Variants in CTNND2 observed in about 807,000 individuals in gnomAD.
The protein encoded by CTNND2 is catenin delta-2.
In CTNND2, 22 loss-of-function variants were observed where a neutral mutation model predicts 144.4. The ratio of observed to expected loss-of-function variants is 0.15; its 90% CI spans 0.11 to 0.22. The LOEUF (loss-of-function observed/expected upper bound fraction) is 0.22. Ranked by LOEUF, CTNND2 falls within the 10% of genes least tolerant of loss-of-function variation. The pLI, the probability that CTNND2 is intolerant of heterozygous loss-of-function variation, is 1.00. For synonymous variants in CTNND2, 751 were observed against 695.6 expected (o/e 1.08, Z -1.25); for missense variants, 1,353 against 1,618.8 (o/e 0.84, Z 2.82).
At chr5:11,534,666 G>A (rs1774054713) in intron 3 of CTNND2, among the ~76,000 whole-genome samples, 2 of 152,088 alleles carry the variant, frequency 1.3e-5, no homozygotes, top group Non-Finnish European at 2.9e-5. Context: ...GAGACCTGGT[G>A]ACATCTATTT....
At chr5:11,847,011 A>G (rs1794767522) in intron 1 of CTNND2, among the ~76,000 whole-genome samples, 1 of 151,608 alleles carries the variant, frequency 6.6e-6, no homozygotes, top group East Asian at 1.9e-4. Context: ...TAGTTCAGCT[A>G]TTACAGAAAA....
intron 11 of CTNND2, among the ~76,000 whole-genome samples, chr5:11,187,658 G>A (rs934044486): frequency 6.6e-6 from 1 of 152,132 alleles, no homozygotes; most frequent in African/African-American, 2.4e-5. Flanking sequence ...TATCATCAGA[G>A]TGAACAGGCA....
chr5:11,030,294 G>A (rs1449749213), intron 16 of CTNND2, among the ~76,000 whole-genome samples: 1 of 151,900 alleles, frequency 6.6e-6, no homozygotes, highest in Non-Finnish European at 1.5e-5. Flanking sequence ...GTTAAATTTG[G>A]TAAGTTTTCA....
At chr5:11,704,230 G>A (rs1404071213) in intron 2 of CTNND2, among the ~76,000 whole-genome samples, 3 of 152,218 alleles carry the variant, frequency 2.0e-5, no homozygotes, top group Non-Finnish European at 4.4e-5. Context: ...CTGCAAAGGT[G>A]TGAAGACAGC....
intron 2 of CTNND2, among the ~76,000 whole-genome samples, chr5:11,617,450 C>T (rs1485102714): frequency 3.3e-5 from 5 of 152,200 alleles, no homozygotes; most frequent in African/African-American, 9.7e-5. Flanking sequence ...TATTTTAGCT[C>T]ATCCATCATT....
chr5:11,235,097 T>C (rs1741480824), intron 10 of CTNND2, among the ~76,000 whole-genome samples: 1 of 152,150 alleles, frequency 6.6e-6, no homozygotes, highest in Non-Finnish European at 1.5e-5. Flanking sequence ...AACCTTGGCA[T>C]CAGAACAACC....
At chr5:11,349,681 C>T (rs1457840686) in intron 8 of CTNND2, among the ~76,000 whole-genome samples, 1 of 152,058 alleles carries the variant, frequency 6.6e-6, no homozygotes, top group Non-Finnish European at 1.5e-5. Context: ...AATTAACAAC[C>T]TGAATATTAT....
intron 12 of CTNND2, among the ~76,000 whole-genome samples, chr5:11,148,900 T>G (rs917235830): frequency 6.6e-6 from 1 of 152,220 alleles, no homozygotes; most frequent in African/African-American, 2.4e-5. Context: ...ATGCTCTGCT[T>G]CATCTGACTC....
At chr5:11,677,548 A>G (rs1399729700) in intron 2 of CTNND2, among the ~76,000 whole-genome samples, 1 of 152,244 alleles carries the variant, frequency 6.6e-6, no homozygotes, top group East Asian at 1.9e-4. Context: ...ATGAATTAAT[A>G]TAAAGACTAA....
At chr5:11,881,391 T>C (rs1240757912) in intron 1 of CTNND2, among the ~76,000 whole-genome samples, 4 of 152,046 alleles carry the variant, frequency 2.6e-5, no homozygotes, top group Non-Finnish European at 4.4e-5. Flanking sequence ...CATAGCTAAA[T>C]GTAATGTTGT....
intron 2 of CTNND2, among the ~76,000 whole-genome samples, chr5:11,579,170 T>C (rs1215528752): frequency 2.6e-5 from 4 of 152,046 alleles, no homozygotes; most frequent in Non-Finnish European, 5.9e-5. Flanking sequence ...TTTTTAACTT[T>C]TTAAAATTCC....
intron 12 of CTNND2, among the ~76,000 whole-genome samples, chr5:11,141,207 G>A (rs1219090984): frequency 6.6e-6 from 1 of 152,130 alleles, no homozygotes; most frequent in Non-Finnish European, 1.5e-5. Flanking sequence ...TTTTGTCTTG[G>A]CCTCCCAAAG....
chr5:11,712,852 C>T lies in CTNND2; in HGVS notation c.174+19284G>A, dbSNP rs943230462. Among the ~76,000 whole-genome samples, 8 of 151,974 alleles carry T rather than the reference C, an allele frequency of 5.3e-5. No homozygotes were observed. The East Asian group carries it at 7.7e-4, about 15-fold the overall frequency. On this transcript the variant is annotated intron_variant, in intron 2 of 21. Coordinates refer to ENST00000304623, the MANE Select transcript of CTNND2 (RefSeq NM_001332.4). ...ACTAGTTGGAGAAGATAAGTTTTTA[C>T]GAGATTATTTTTTGATTAAGTATAT...
intron 9 of CTNND2, among the ~76,000 whole-genome samples, chr5:11,300,287 A>G (rs754827582): frequency 3.3e-5 from 5 of 152,146 alleles, no homozygotes; most frequent in Non-Finnish European, 5.9e-5. Context: ...TCCTCCACTG[A>G]AAAACAGGGT....
intron 2 of CTNND2, among the ~76,000 whole-genome samples, chr5:11,681,445 C>T (rs570628726): frequency 6.6e-6 from 1 of 152,314 alleles, no homozygotes; most frequent in South Asian, 2.1e-4. Flanking sequence ...GGTTCCCTTT[C>T]TCTTTCTTGG....
At chr5:11,593,213 T>G (rs1347342257) in intron 2 of CTNND2, among the ~76,000 whole-genome samples, 1 of 152,132 alleles carries the variant, frequency 6.6e-6, no homozygotes. Flanking sequence ...AAAAAAGTTA[T>G]AAATTGGGCC....
At chr5:11,291,835 T>A (rs1425074615) in intron 9 of CTNND2, among the ~76,000 whole-genome samples, 1 of 152,184 alleles carries the variant, frequency 6.6e-6, no homozygotes. Flanking sequence ...AGACAAAACA[T>A]TTATTTCCTG....
At chr5:11,512,694 TG>T (rs1771765859) in intron 3 of CTNND2, among the ~76,000 whole-genome samples, 1 of 152,222 alleles carries the variant, frequency 6.6e-6, no homozygotes, top group Non-Finnish European at 1.5e-5. Flanking sequence ...AGTATTAGCA[TG>T]GTAAGTGATT....
chr5:11,870,441 G>A (rs554084050), intron 1 of CTNND2, among the ~76,000 whole-genome samples: 2 of 152,274 alleles, frequency 1.3e-5, no homozygotes, highest in South Asian at 4.1e-4. Flanking sequence ...GGAATGACAG[G>A]TACACTCATG....
Sources: allele counts gnomAD v4.1 joint callset (sites outside exome capture counted in the v4.1 genomes callset), GRCh38; gene constraint gnomAD v4.1.1; transcripts MANE v1.5; gene names NCBI Gene and HGNC (gene_info 2026-07-23, HGNC 2026-07-21).